Variants in FOCAD observed in about 807,000 individuals in gnomAD.
FOCAD encodes the protein KIAA1797.
In FOCAD, 198 loss-of-function variants were observed where a neutral mutation model predicts 225.6. The observed-to-expected ratio is 0.88, with a 90% confidence interval of 0.78 to 0.99. FOCAD has a LOEUF of 0.99. FOCAD is among the 50% of genes least tolerant of loss of function. The pLI is 0.00. For synonymous variants in FOCAD, 897 were observed against 755.0 expected (o/e 1.19, Z -3.08); for missense variants, 2,713 against 2,123.6 (o/e 1.28, Z -5.46).
At chr9:20,901,266 A>G (rs929391766) in intron 21 of FOCAD, among the ~76,000 whole-genome samples, 9 of 150,476 alleles carry the variant, frequency 6.0e-5, no homozygotes, top group Admixed American at 5.3e-4. Flanking sequence ...TTCAGTATGC[A>G]TATGTGTGTC....
At chr9:20,712,672 A>G (rs534359493) in intron 1 of FOCAD, among the ~76,000 whole-genome samples, 2 of 151,740 alleles carry the variant, frequency 1.3e-5, no homozygotes, top group Non-Finnish European at 2.9e-5. Flanking sequence ...AAAAAAGAAA[A>G]AAAAAGTTGC....
In FOCAD at chr9:20,785,195, T is replaced by C. The variant is rs1443572590; in HGVS notation, c.1197+3266T>C. Among the ~76,000 whole-genome samples, 5 of 152,204 alleles carry C rather than the reference T, an allele frequency of 3.3e-5. 1 individual carries two copies. The highest frequency in any genetic ancestry group is 7.3e-5 in the Non-Finnish European group (5 of 68,040). On this transcript the variant is annotated intron_variant, in intron 10 of 43. Transcript: ENST00000338382. ...GGCATAAAGAAGGTAAATAACTTAC[T>C]GTCATGCAGTGGGAACCCAATTCTT...
intron 18 of FOCAD, chr9:20,872,810 C>T (rs1236991319): frequency 2.0e-5 from 3 of 152,108 alleles, no homozygotes; most frequent in Non-Finnish European, 4.4e-5. Context: ...AGCAGTCAGT[C>T]TCCATTACTC....
At chr9:20,847,402 C>G (rs1395475091) in intron 15 of FOCAD, among the ~76,000 whole-genome samples, 1 of 151,628 alleles carries the variant, frequency 6.6e-6, no homozygotes. Flanking sequence ...TATGTTAAGT[C>G]TAAATTCTTA....
At chr9:20,859,602 T>G (rs1213133707) in intron 15 of FOCAD, among the ~76,000 whole-genome samples, 3 of 149,552 alleles carry the variant, frequency 2.0e-5, no homozygotes, top group Admixed American at 2.0e-4. Context: ...CTTTTTTGAC[T>G]AGTGTTTTTT....
chr9:20,904,158 G>A (rs373350415), intron 21 of FOCAD, among the ~76,000 whole-genome samples: 99 of 151,916 alleles, frequency 6.5e-4, no homozygotes, highest in South Asian at 1.0e-3. Flanking sequence ...TAGTTTTTCC[G>A]TTGATGGACA....
chr9:20,842,898 T>A (rs1021698274), intron 15 of FOCAD, among the ~76,000 whole-genome samples: 3 of 151,968 alleles, frequency 2.0e-5, no homozygotes, highest in Non-Finnish European at 4.4e-5. Context: ...GGTTATTGAT[T>A]TGAGGTTATC....
At chr9:20,954,878 C>A (rs550985201) in intron 35 of FOCAD, among the ~76,000 whole-genome samples, 2 of 152,186 alleles carry the variant, frequency 1.3e-5, no homozygotes, top group Non-Finnish European at 2.9e-5. Flanking sequence ...GGCTGACCTC[C>A]GCCTCCAAAG....
chr9:20,746,930 C>T (rs759531307), intron 5 of FOCAD, among the ~76,000 whole-genome samples: 13 of 152,288 alleles, frequency 8.5e-5, no homozygotes, highest in African/African-American at 2.6e-4. Flanking sequence ...ATAAATGACG[C>T]TGTGTCCTTC....
At chr9:20,921,598 T>C (rs975660382) in intron 24 of FOCAD, among the ~76,000 whole-genome samples, 6 of 152,234 alleles carry the variant, frequency 3.9e-5, no homozygotes, top group African/African-American at 1.4e-4. Flanking sequence ...GGTACCTTTG[T>C]GAAATGTGTA....
rs563972222 is a variant in FOCAD, at chr9:20,694,007, A to G, written c.-33+9714A>G. 4.5e-3 allele frequency among the ~76,000 whole-genome samples: 678 copies of G among 152,342 alleles called. 4 individuals are homozygous for G. Among genetic ancestry groups the G allele is most frequent in the African/African-American group, 0.016 (653 of 41,582 alleles). ...ATTGCAGGTGTGAGCCACCGTGCCCAGCTGCAATCCATTTTTTAAAAGAGG... is the reference window on the plus strand; with the variant it reads ...ATTGCAGGTGTGAGCCACCGTGCCCGGCTGCAATCCATTTTTTAAAAGAGG... On this transcript the variant is annotated intron_variant, in intron 1 of 43. Coordinates refer to ENST00000338382, the MANE Select transcript of FOCAD (RefSeq NM_001375567.1).
At chr9:20,921,965 G>A (rs1168633046) in intron 24 of FOCAD, among the ~76,000 whole-genome samples, 2 of 152,146 alleles carry the variant, frequency 1.3e-5, no homozygotes, top group African/African-American at 4.8e-5. Flanking sequence ...CTAATACTCA[G>A]ATCACTCAAA....
chr9:20,777,412 T>G (rs1009396553), intron 8 of FOCAD, among the ~76,000 whole-genome samples: 1 of 151,862 alleles, frequency 6.6e-6, no homozygotes, highest in Admixed American at 6.6e-5. Flanking sequence ...CTTTCTTCTT[T>G]AGTGCCATAA....
intron 11 of FOCAD, among the ~76,000 whole-genome samples, chr9:20,798,239 T>C (rs548040132): frequency 1.3e-5 from 2 of 152,176 alleles, no homozygotes; most frequent in Non-Finnish European, 2.9e-5. Flanking sequence ...CGCTGCTGGA[T>C]TTGGTTTGCC....
intron 2 of FOCAD, among the ~76,000 whole-genome samples, chr9:20,663,918 A>G (rs943646529): frequency 6.6e-6 from 1 of 152,118 alleles, no homozygotes; most frequent in Admixed American, 6.5e-5. Context: ...ATTCTTTATT[A>G]ATGTCATGAA....
chr9:20,711,416 G>C (rs1008213274), intron 1 of FOCAD, among the ~76,000 whole-genome samples: 1 of 152,156 alleles, frequency 6.6e-6, no homozygotes, highest in South Asian at 2.1e-4. Flanking sequence ...TTGAAAACCC[G>C]CTATGAAAAT....
chr9:20,831,979 T>G (rs1249256492), intron 15 of FOCAD, among the ~76,000 whole-genome samples: 2 of 152,076 alleles, frequency 1.3e-5, no homozygotes, highest in Non-Finnish European at 2.9e-5. Flanking sequence ...GGTTTTTCAA[T>G]TGGCATAATG....
chr9:20,664,712 C>T (rs1821844521), intron 2 of FOCAD, among the ~76,000 whole-genome samples: 1 of 150,098 alleles, frequency 6.7e-6, no homozygotes, highest in Non-Finnish European at 1.5e-5. Context: ...CTCCTGGCCT[C>T]AAGCAATCCT....
chr9:20,926,458 T>G, intron 26 of FOCAD, 41 bp downstream of exon 26: 1 of 1,264,862 alleles, frequency 7.9e-7, no homozygotes. Context: ...AACTCAAGAA[T>G]TGACTCTTAT....
Sources: allele counts gnomAD v4.1 joint callset (sites outside exome capture counted in the v4.1 genomes callset), GRCh38; gene constraint gnomAD v4.1.1; transcripts MANE v1.5; gene names NCBI Gene and HGNC (gene_info 2026-07-23, HGNC 2026-07-21).